Variants in CCDC179 observed in about 807,000 individuals in gnomAD.
CCDC179 encodes the protein coiled-coil domain-containing protein 179.
CCDC179 carries 17 observed loss-of-function variants against 12.0 expected under a neutral mutation model. The observed-to-expected ratio is 1.42, with a 90% confidence interval of 0.97 to 2.13. CCDC179 has a LOEUF of 2.13. Among genes scored for constraint, CCDC179 ranks in the 30% most tolerant of loss-of-function variants. The probability of loss-of-function intolerance (pLI) is 0.00; values close to 1 mark genes in which losing one functional copy is unlikely to be tolerated. For synonymous variants in CCDC179, 27 were observed against 26.4 expected (o/e 1.02, Z -0.07); for missense variants, 83 against 78.6 (o/e 1.06, Z -0.21).
At chr11:22,855,990 A>G (rs1298693520) in intron 3 of CCDC179, among the ~76,000 whole-genome samples, 1 of 151,448 alleles carries the variant, frequency 6.6e-6, no homozygotes, top group African/African-American at 2.4e-5. Flanking sequence ...GACATAGATA[A>G]TCTAAATAAG....
chr11:22,847,939 AAC>A (rs1351623381), intron 3 of CCDC179, among the ~76,000 whole-genome samples: 1 of 152,170 alleles, frequency 6.6e-6, no homozygotes, highest in Non-Finnish European at 1.5e-5. Flanking sequence ...GTGAGTGACT[AAC>A]ACAGCATATT....
At chr11:22,856,410 A>G (rs1485491478) in intron 3 of CCDC179, among the ~76,000 whole-genome samples, 1 of 151,542 alleles carries the variant, frequency 6.6e-6, no homozygotes, top group Non-Finnish European at 1.5e-5. Context: ...AAGGAGAAAA[A>G]TCATATGATC....
intron 3 of CCDC179, among the ~76,000 whole-genome samples, chr11:22,850,105 C>T (rs1858336847): frequency 6.6e-6 from 1 of 152,164 alleles, no homozygotes; most frequent in African/African-American, 2.4e-5. Flanking sequence ...CCATTGCCAT[C>T]TTCTCTGCTT....
chr11:22,859,362 T>C, intron 2 of CCDC179, 90 bp downstream of exon 2: 2 of 783,192 alleles, frequency 2.6e-6, no homozygotes, highest in Non-Finnish European at 3.7e-6. Flanking sequence ...TTAATACAAG[T>C]TCTATTATGT....
intron 3 of CCDC179, among the ~76,000 whole-genome samples, chr11:22,853,254 T>C (rs1184770190): frequency 6.6e-6 from 1 of 152,142 alleles, no homozygotes; most frequent in Non-Finnish European, 1.5e-5. Flanking sequence ...AGAAACAATC[T>C]GAAGTGAAAA....
At chr11:22,853,266 G>A (rs1257399538) in intron 3 of CCDC179, among the ~76,000 whole-genome samples, 1 of 152,106 alleles carries the variant, frequency 6.6e-6, no homozygotes, top group South Asian at 2.1e-4. Context: ...AAGTGAAAAA[G>A]TAAGCACCAA....
intron 2 of CCDC179, among the ~76,000 whole-genome samples, chr11:22,858,599 T>A (rs929541578): frequency 6.6e-6 from 1 of 152,034 alleles, no homozygotes; most frequent in Non-Finnish European, 1.5e-5. Context: ...GAAAACCAAC[T>A]TTTTAAAAAA....
At chr11:22,849,349 T>C (rs1363883380) in intron 3 of CCDC179, among the ~76,000 whole-genome samples, 1 of 152,208 alleles carries the variant, frequency 6.6e-6, no homozygotes, top group Admixed American at 6.5e-5. Context: ...TTTTCATATT[T>C]AATATATCTT....
intron 3 of CCDC179, among the ~76,000 whole-genome samples, chr11:22,855,134 G>A (rs940280791): frequency 6.6e-6 from 1 of 151,682 alleles, no homozygotes; most frequent in Non-Finnish European, 1.5e-5. Context: ...CTTTCTAACA[G>A]TAATTGACAG....
At chr11:22,860,325 A>G (rs1858632345) in intron 1 of CCDC179, 52 bp downstream of exon 1, 2 of 1,518,446 alleles carry the variant, frequency 1.3e-6, no homozygotes, top group East Asian at 5.0e-5. Flanking sequence ...CCTGGAGCTC[A>G]AGGCACAGGA....
chr11:22,848,874 T>C (rs1016147303), intron 3 of CCDC179, among the ~76,000 whole-genome samples: 4 of 152,238 alleles, frequency 2.6e-5, no homozygotes, highest in Non-Finnish European at 5.9e-5. Flanking sequence ...AACATTTGTA[T>C]TCATTTGTAA....
At chr11:22,852,410 T>C (rs915475804) in intron 3 of CCDC179, among the ~76,000 whole-genome samples, 2 of 152,216 alleles carry the variant, frequency 1.3e-5, no homozygotes, top group African/African-American at 4.8e-5. Context: ...TCTGCTAAGA[T>C]GCAGGCATAG....
intron 3 of CCDC179, among the ~76,000 whole-genome samples, chr11:22,855,772 A>G (rs1182168583): frequency 3.3e-5 from 5 of 151,578 alleles, no homozygotes; most frequent in South Asian, 2.1e-4. Context: ...TTCTTTGAAA[A>G]TATTAGTAAA....
chr11:22,856,296 CAT>C lies in CCDC179; in HGVS notation c.195+1624_195+1625del, dbSNP rs367861503. ...CAAAATATTAGCAAATTGATCCAAA[CAT>C]GTGTAAAAATAATTATACACAATCT... is the stretch of plus-strand genomic sequence containing the variant. On this transcript the variant is annotated intron_variant, in intron 3 of 3. Transcript: ENST00000532798. Among the ~76,000 whole-genome samples the C allele has an allele frequency of 6.1e-3, 930 of 151,624 alleles. 3 individuals are homozygous for C. Among genetic ancestry groups the C allele is most frequent in the Admixed American group, 9.5e-3 (144 of 15,236 alleles).
rs1590195631 is a variant in CCDC179, at chr11:22,859,514, T to C, written c.46-18A>G. 3 of 1,427,630 alleles carry C rather than the reference T, an allele frequency of 2.1e-6. No homozygotes were observed. In the East Asian group the frequency reaches 7.8e-5, roughly 37 times the overall value. The allele number at this position is 1,427,630 out of a possible 1,614,324, so 88.4% of individuals were successfully genotyped here. A position where few individuals can be genotyped will look rare whatever the true frequency, so the allele number is the denominator to read the frequency against. On this transcript the variant is annotated intron_variant, in intron 1 of 3. Coordinates refer to ENST00000532798, the MANE Select transcript of CCDC179 (RefSeq NM_001195637.2). ...GGTCCTTCCTATATAATAAACAAAA[T>C]TAAAACACATTCACACAAAAAAGTC...
chr11:22,850,976 A>ACATATATTTTTTTTTTTT (rs1858382219), intron 3 of CCDC179, among the ~76,000 whole-genome samples: 1 of 6,126 alleles, frequency 1.6e-4, no homozygotes, highest in Non-Finnish European at 4.4e-4. Flanking sequence ...ATATATATAT[A>ACATATATTTTTTTTTTTT]TTTTTTTTTT....
chr11:22,852,114 A>G (rs1858419182), intron 3 of CCDC179, among the ~76,000 whole-genome samples: 1 of 152,160 alleles, frequency 6.6e-6, no homozygotes, highest in African/African-American at 2.4e-5. Flanking sequence ...TAGCTTTCCT[A>G]TCTCACCTAA....
chr11:22,859,423 C>A, intron 2 of CCDC179, 29 bp downstream of exon 2: 1 of 1,449,222 alleles, frequency 6.9e-7, no homozygotes, highest in Non-Finnish European at 9.1e-7. Context: ...TTTAAACAAC[C>A]AGAACCTAGT....
At position 22,849,358 on chromosome 11, in the gene CCDC179, T is replaced by TGAAA. The variant is rs1236892979; in HGVS notation, c.196-1838_196-1837insTTTC. Among the ~76,000 whole-genome samples, 3 of 152,204 alleles carry TGAAA rather than the reference T, an allele frequency of 2.0e-5. No homozygotes were observed. In the East Asian group the frequency reaches 5.8e-4, roughly 29 times the overall value. On this transcript the variant is annotated intron_variant, in intron 3 of 3. Transcript: ENST00000532798. ...TTAGGATTTTCATATTTAATATATC[T>TGAAA]TATTTTGCATATTCTTACTTATTTG...
Sources: gnomAD v4.1 joint callset for allele counts (sites outside exome capture counted in the v4.1 genomes callset) on GRCh38, gnomAD v4.1.1 for gene constraint, MANE v1.5 for transcripts, NCBI Gene and HGNC (gene_info 2026-07-23, HGNC 2026-07-21) for gene names.